Variants in NRG1 observed in about 807,000 individuals in gnomAD.
The protein encoded by NRG1 is pro-neuregulin-1, membrane-bound isoform.
In NRG1, 18 loss-of-function variants were observed where a neutral mutation model predicts 63.8. That is an observed-to-expected ratio of 0.28 (90% CI 0.19 to 0.42). The LOEUF is 0.42. NRG1 is among the 10% of genes least tolerant of loss of function. NRG1 has a pLI of 1.00. For missense variants in NRG1, 762 were observed against 814.7 expected (o/e 0.94, Z 0.79); for synonymous variants, 302 against 301.3 (o/e 1.00, Z -0.02).
At chr8:32,032,924 C>T (rs1818482740) in intron 1 of NRG1, among the ~76,000 whole-genome samples, 1 of 151,848 alleles carries the variant, frequency 6.6e-6, no homozygotes, top group South Asian at 2.1e-4. Flanking sequence ...GTCTTTATTC[C>T]ATCTTGAGTT....
intron 1 of NRG1, among the ~76,000 whole-genome samples, chr8:32,196,940 A>ATTTTT (rs1458233142): frequency 1.2e-4 from 4 of 33,986 alleles, no homozygotes; most frequent in Admixed American, 5.2e-4. Context: ...TTCTCAGAAC[A>ATTTTT]TTCTTTTTTT....
intron 1 of NRG1, chr8:31,639,869 G>A: frequency 2.7e-6 from 3 of 1,106,568 alleles, no homozygotes; most frequent in South Asian, 8.2e-5. Context: ...ATAAAAGGAG[G>A]AGGGCAAGGG....
chr8:31,826,320 C>A lies in NRG1; in HGVS notation c.37+186889C>A, dbSNP rs536556180. On this transcript the variant is annotated intron_variant, in intron 1 of 10. Coordinates refer to the NRG1 transcript ENST00000519301. ...GTAGCTCCCGTAATTGCAGGAGGGA[C>A]CTGGCAGGAGGTAATTGAATCATGG... Among the ~76,000 whole-genome samples the A allele has an allele frequency of 4.3e-3, 659 of 152,182 alleles. 4 individuals carry two copies. The highest frequency in any genetic ancestry group is 0.015 in the African/African-American group (621 of 41,538).
intron 1 of NRG1, among the ~76,000 whole-genome samples, chr8:32,046,281 A>C (rs919059145): frequency 6.6e-6 from 1 of 152,058 alleles, no homozygotes; most frequent in African/African-American, 2.4e-5. Flanking sequence ...AAACAAAACG[A>C]AAGACCCTTT....
chr8:31,973,522 C>T (rs1251925137), intron 1 of NRG1, among the ~76,000 whole-genome samples: 3 of 152,070 alleles, frequency 2.0e-5, no homozygotes, highest in Admixed American at 1.3e-4. Flanking sequence ...ATCAAGGCTC[C>T]GTAAATATTC....
chr8:32,711,596 TG>T (rs1817829983), intron 5 of NRG1, among the ~76,000 whole-genome samples: 1 of 152,180 alleles, frequency 6.6e-6, no homozygotes, highest in Admixed American at 6.5e-5. Context: ...TGTTACGCTA[TG>T]AATTTGTTGT....
intron 1 of NRG1, among the ~76,000 whole-genome samples, chr8:32,398,551 C>A (rs1477861417): frequency 6.6e-6 from 1 of 152,002 alleles, no homozygotes; most frequent in African/African-American, 2.4e-5. Flanking sequence ...GCTGGGATTA[C>A]AAGTGCCCGC....
intron 1 of NRG1, among the ~76,000 whole-genome samples, chr8:31,793,010 A>G (rs979451490): frequency 6.6e-6 from 1 of 152,222 alleles, no homozygotes; most frequent in Non-Finnish European, 1.5e-5. Flanking sequence ...TAACTATATT[A>G]AATTTCAATA....
At chr8:32,317,965 C>T (rs781680647) in intron 1 of NRG1, among the ~76,000 whole-genome samples, 3 of 152,068 alleles carry the variant, frequency 2.0e-5, no homozygotes, top group African/African-American at 4.8e-5. Context: ...CTTTTCAAGC[C>T]ACTTGCTTTT....
At chr8:32,091,046 G>A (rs763910463) in intron 1 of NRG1, among the ~76,000 whole-genome samples, 12 of 152,298 alleles carry the variant, frequency 7.9e-5, no homozygotes, top group East Asian at 3.9e-4. Context: ...CTGGGAGGCC[G>A]AGGTGGGCGG....
intron 1 of NRG1, among the ~76,000 whole-genome samples, chr8:32,184,707 T>G (rs1563883471): frequency 6.6e-6 from 1 of 152,218 alleles, no homozygotes. Context: ...TGGTTAGAGC[T>G]GTTCCATTAT....
chr8:32,437,310 G>T (rs866365601), intron 1 of NRG1, among the ~76,000 whole-genome samples: 1 of 148,768 alleles, frequency 6.7e-6, no homozygotes, highest in Non-Finnish European at 1.5e-5. Context: ...TGTTTTTTTT[G>T]TTTGTTTGTT....
chr8:32,740,190 C>CTTTTTTTTTTTTTT (rs35219061), intron 6 of NRG1, among the ~76,000 whole-genome samples: 1 of 92,516 alleles, frequency 1.1e-5, no homozygotes, highest in African/African-American at 4.3e-5. Context: ...GACCCAACCT[C>CTTTTTTTTTTTTTT]TTTTTTTTTT....
At chr8:32,005,372 ATG>A (rs1485799404) in intron 1 of NRG1, among the ~76,000 whole-genome samples, 2 of 151,996 alleles carry the variant, frequency 1.3e-5, no homozygotes, top group African/African-American at 2.4e-5. Flanking sequence ...TATTTTGTGA[ATG>A]TGTCTTGTAG....
At chr8:32,722,058 A>G (rs1358878295) in intron 5 of NRG1, 7 of 1,538,464 alleles carry the variant, frequency 4.5e-6, no homozygotes, top group Non-Finnish European at 6.1e-6. Context: ...GTTAAAAAAA[A>G]TCTGTAATTT....
chr8:31,910,184 G>A (rs1449951245), intron 1 of NRG1, among the ~76,000 whole-genome samples: 4 of 152,312 alleles, frequency 2.6e-5, no homozygotes, highest in Admixed American at 2.0e-4. Flanking sequence ...AGGAAAGAAT[G>A]TTCCAGGCTA....
intron 1 of NRG1, among the ~76,000 whole-genome samples, chr8:31,754,748 A>G (rs1294090367): frequency 2.0e-5 from 3 of 152,040 alleles, no homozygotes; most frequent in South Asian, 2.1e-4. Flanking sequence ...AACAAGTACT[A>G]TGATTATAGT....
intron 1 of NRG1, among the ~76,000 whole-genome samples, chr8:31,715,401 A>T (rs886763260): frequency 6.6e-6 from 1 of 152,198 alleles, no homozygotes; most frequent in African/African-American, 2.4e-5. Flanking sequence ...TTCAATTCAG[A>T]GTTCACTTGA....
intron 1 of NRG1, among the ~76,000 whole-genome samples, chr8:32,346,658 T>G (rs1337568291): frequency 1.3e-5 from 2 of 152,162 alleles, no homozygotes; most frequent in African/African-American, 4.8e-5. Flanking sequence ...TTAAGTGTTA[T>G]ATTACATGTG....
Sources: gnomAD v4.1 joint callset for allele counts (sites outside exome capture counted in the v4.1 genomes callset) on GRCh38, gnomAD v4.1.1 for gene constraint, MANE v1.5 for transcripts, NCBI Gene and HGNC (gene_info 2026-07-23, HGNC 2026-07-21) for gene names.